LRRC52: variants seen among roughly 807,000 people sequenced by gnomAD.
The protein encoded by LRRC52 is leucine rich repeat containing 52.
In LRRC52, 15 loss-of-function variants were observed where a neutral mutation model predicts 14.7. The ratio of observed to expected loss-of-function variants is 1.02; its 90% CI spans 0.68 to 1.58. The LOEUF is 1.58. LRRC52 is among the 40% of genes most tolerant of loss of function. The pLI is 0.00. For missense variants in LRRC52, 400 were observed against 387.7 expected (o/e 1.03, Z -0.27); for synonymous variants, 180 against 163.9 (o/e 1.10, Z -0.75).
chr1:165,546,924 A>G (rs1661031544), intron 1 of LRRC52, among the ~76,000 whole-genome samples: 2 of 152,168 alleles, frequency 1.3e-5, no homozygotes, highest in Non-Finnish European at 2.9e-5. Context: ...TAAGCTCCTC[A>G]TGAATGAAGA....
At chr1:165,547,600 A>G (rs756693263) in intron 1 of LRRC52, among the ~76,000 whole-genome samples, 9 of 152,136 alleles carry the variant, frequency 5.9e-5, no homozygotes, top group Non-Finnish European at 1.0e-4. Context: ...ACACAAACAC[A>G]CATGCAAACA....
Position 165,563,923 on chromosome 1 carries a change from C to A in LRRC52, c.*99C>A. The A allele has an allele frequency of 7.9e-7, 1 of 1,263,930 alleles. No individual in the cohort carries two copies. Among genetic ancestry groups the A allele is most frequent in the Non-Finnish European group, 1.1e-6 (1 of 905,124 alleles). 78.3% of individuals were successfully genotyped at this position (1,263,930 alleles called of 1,614,324 possible). On this transcript the variant is annotated 3_prime_UTR_variant, in exon 2 of 2. Transcript: ENST00000294818. Reference sequence around the variant, plus strand: ...CTTGGAGCTGTCATAGAGATTGAAACCTTCTAGTAAAATAAATAAAATCTC... The same window carrying A: ...CTTGGAGCTGTCATAGAGATTGAAAACTTCTAGTAAAATAAATAAAATCTC...
In LRRC52 at chr1:165,544,812, C is replaced by A; in HGVS notation, c.516C>A (p.His172Gln). ...CCCTGGACAGTGCTGCCTTATACCACCTCACTACTCTGGAGACCCTGTTTC... is the reference window on the plus strand; with the variant it reads ...CCCTGGACAGTGCTGCCTTATACCAACTCACTACTCTGGAGACCCTGTTTC... ...LQTLDSAALY[H>Q]LTTLETLFLS... The change falls in exon 1 of 2, where the codon CAC becomes CAA. Residue 172 changes from histidine (H) to glutamine (Q), a missense_variant. His to Gln is a conservative substitution (Grantham distance 24, BLOSUM62 0). Transcript: ENST00000294818. 6.2e-7 allele frequency: 1 copy of A among 1,614,120 alleles called. No homozygotes were observed. Among genetic ancestry groups the A allele is most frequent in the Non-Finnish European group, 8.5e-7 (1 of 1,180,034 alleles).
In LRRC52 at chr1:165,544,620, C is replaced by T. The variant is rs1660977223; in HGVS notation, c.324C>T (p.Leu108=). 8 of 1,613,930 alleles carry T rather than the reference C, an allele frequency of 5.0e-6. No individual in the cohort carries two copies. The African/African-American group carries it at 6.7e-5, about 13-fold the overall frequency. Reference sequence around the variant, plus strand: ...TCTTCAAACTCATCTACCTTGACCTCAGCTCCAACAACCTAACCTCGATCT... The same window carrying T: ...TCTTCAAACTCATCTACCTTGACCTTAGCTCCAACAACCTAACCTCGATCT... ...IGVFKLIYLD[L]SSNNLTSISP... is the part of the protein sequence containing the mutation. Residue 108 remains leucine, a synonymous_variant, in exon 1 of 2, where the codon CTC becomes CTT. Transcript: ENST00000294818.
chr1:165,561,451 C>T (rs537390062), intron 1 of LRRC52, among the ~76,000 whole-genome samples: 3 of 152,140 alleles, frequency 2.0e-5, no homozygotes, highest in East Asian at 1.9e-4. Flanking sequence ...AGCTCCCAGG[C>T]GCCTCCCCTG....
chr1:165,546,164 G>A (rs1418362678), intron 1 of LRRC52, among the ~76,000 whole-genome samples: 1 of 152,102 alleles, frequency 6.6e-6, no homozygotes, highest in Non-Finnish European at 1.5e-5. Context: ...AGTCTGGACT[G>A]GGATGAGGCA....
chr1:165,553,657 G>A (rs12083264), intron 1 of LRRC52, among the ~76,000 whole-genome samples: 9,850 of 152,230 alleles, frequency 0.065, 323 homozygotes, highest in Non-Finnish European at 0.071. Context: ...TAAAGTCCCT[G>A]AGAGGACAGA....
intron 1 of LRRC52, among the ~76,000 whole-genome samples, chr1:165,555,132 T>C (rs1251548473): frequency 1.3e-5 from 2 of 152,140 alleles, no homozygotes; most frequent in Non-Finnish European, 2.9e-5. Flanking sequence ...AATAAATAAA[T>C]TGACATATGA....
intron 1 of LRRC52, among the ~76,000 whole-genome samples, chr1:165,547,567 C>T (rs1434192070): frequency 6.6e-6 from 1 of 152,168 alleles, no homozygotes; most frequent in Non-Finnish European, 1.5e-5. Context: ...CCTTCCCATA[C>T]ACACATACAA....
Position 165,544,470 on chromosome 1 carries a change from G to A in LRRC52, c.174G>A (p.Leu58=). ...PLDIPLNTRR[L]FLNENRITSL... is the part of the protein sequence containing the mutation. ...ACATACCCCTGAACACCCGGAGGCT[G>A]TTCCTGAACGAGAACAGAATCACTA... The change falls in exon 1 of 2, where the codon CTG becomes CTA. Residue 58 remains leucine, a synonymous_variant. Coordinates refer to ENST00000294818, the MANE Select transcript of LRRC52 (RefSeq NM_001005214.4). 1 of 1,614,196 alleles carries A rather than the reference G, an allele frequency of 6.2e-7. No individual in the cohort carries two copies. Among genetic ancestry groups the A allele is most frequent in the Non-Finnish European group, 8.5e-7 (1 of 1,180,040 alleles).
chr1:165,555,240 G>A (rs1048780032), intron 1 of LRRC52, among the ~76,000 whole-genome samples: 1 of 152,136 alleles, frequency 6.6e-6, no homozygotes, highest in African/African-American at 2.4e-5. Flanking sequence ...CAGGCTCAGT[G>A]GGCCTGCGGA....
intron 1 of LRRC52, among the ~76,000 whole-genome samples, chr1:165,551,693 G>T (rs1317235944): frequency 1.3e-5 from 2 of 152,144 alleles, no homozygotes; most frequent in Non-Finnish European, 2.9e-5. Context: ...AGGGCCATCT[G>T]CAGGGAGCAG....
chr1:165,548,373 A>G (rs1470332958), intron 1 of LRRC52, among the ~76,000 whole-genome samples: 1 of 152,238 alleles, frequency 6.6e-6, no homozygotes, highest in African/African-American at 2.4e-5. Flanking sequence ...GTGCTCATGA[A>G]GGTAACTAAC....
At position 165,544,549 on chromosome 1, in the gene LRRC52, C is replaced by T. The variant is rs1660974156; in HGVS notation, c.253C>T (p.Gln85Ter). The T allele has an allele frequency of 1.2e-6, 2 of 1,613,978 alleles. No homozygotes were observed. Among genetic ancestry groups the T allele is most frequent in the Non-Finnish European group, 1.7e-6 (2 of 1,180,034 alleles). Residue 85 changes from glutamine (Q) to a stop codon, truncating the protein, a stop_gained, in exon 1 of 2, where the codon CAG (glutamine) becomes TAG (stop). Transcript: ENST00000294818. LOFTEE classifies it high-confidence loss of function. ...CAGTGACCTTGTTTATTTGGACTGT[C>T]AGAACAACCGGATTCGAGAGGTGAT... ...LLSDLVYLDC[Q>*]NNRIREVMDY...
At chr1:165,549,574 A>G (rs1335452392) in intron 1 of LRRC52, among the ~76,000 whole-genome samples, 1 of 152,212 alleles carries the variant, frequency 6.6e-6, no homozygotes, top group African/African-American at 2.4e-5. Context: ...CAGCTCTCAT[A>G]TCAGAAGGAG....
chr1:165,559,059 T>C (rs528644928), intron 1 of LRRC52, among the ~76,000 whole-genome samples: 1 of 152,196 alleles, frequency 6.6e-6, no homozygotes, highest in Non-Finnish European at 1.5e-5. Context: ...CTAACAATTA[T>C]AACTTTGTAT....
At chr1:165,558,448 T>C (rs1483479619) in intron 1 of LRRC52, among the ~76,000 whole-genome samples, 1 of 152,222 alleles carries the variant, frequency 6.6e-6, no homozygotes, top group Non-Finnish European at 1.5e-5. Context: ...AGAACTGATG[T>C]ATAGTTTATT....
chr1:165,550,899 ACTTTT>A (rs1189196139), intron 1 of LRRC52, among the ~76,000 whole-genome samples: 1 of 152,186 alleles, frequency 6.6e-6, no homozygotes, highest in Admixed American at 6.5e-5. Flanking sequence ...TTCAAGAGTC[ACTTTT>A]CTTGTCCTTA....
chr1:165,553,539 G>A (rs983392193), intron 1 of LRRC52, among the ~76,000 whole-genome samples: 1 of 152,094 alleles, frequency 6.6e-6, no homozygotes, highest in African/African-American at 2.4e-5. Context: ...GAAGAAGGAG[G>A]ATTTTTAGGA....
Sources: allele counts gnomAD v4.1 joint callset (sites outside exome capture counted in the v4.1 genomes callset), GRCh38; gene constraint gnomAD v4.1.1; transcripts MANE v1.5; gene names NCBI Gene and HGNC (gene_info 2026-07-23, HGNC 2026-07-21).